Variants in ARID5B observed in about 807,000 individuals in gnomAD.
ARID5B encodes the protein AT-rich interaction domain 5B.
A neutral mutation model predicts 97.2 loss-of-function variants in ARID5B; 13 were observed. The observed-to-expected ratio is 0.13, with a 90% confidence interval of 0.09 to 0.21. The LOEUF is 0.21. Among genes scored for constraint, ARID5B ranks in the 10% least tolerant of loss-of-function variants. The pLI is 1.00. For missense variants in ARID5B, 1,210 were observed against 1,465.3 expected, an observed-to-expected ratio of 0.83 and a Z score of 2.84; for synonymous variants, 556 against 570.3, an observed-to-expected ratio of 0.97 and a Z score of 0.36.
At chr10:61,990,122 T>A (rs1482553455) in intron 3 of ARID5B, among the ~76,000 whole-genome samples, 2 of 152,208 alleles carry the variant, frequency 1.3e-5, no homozygotes, top group Non-Finnish European at 2.9e-5. Context: ...TGATTTAAGA[T>A]GAGTCACTGA....
intron 8 of ARID5B, among the ~76,000 whole-genome samples, chr10:62,079,317 A>G (rs1022840471): frequency 2.0e-5 from 3 of 152,196 alleles, no homozygotes; most frequent in Non-Finnish European, 4.4e-5. Flanking sequence ...GCCATTGACT[A>G]GTCACTTAAT....
chr10:61,988,128 G>T (rs1164869934), intron 3 of ARID5B, among the ~76,000 whole-genome samples: 1 of 152,208 alleles, frequency 6.6e-6, no homozygotes, highest in Non-Finnish European at 1.5e-5. Context: ...CTTCCATGGT[G>T]CACTGTGACA....
chr10:61,902,090 T>G, intron 1 of ARID5B, 69 bp from the exon 2 acceptor site: 1 of 1,575,736 alleles, frequency 6.3e-7, no homozygotes, highest in Non-Finnish European at 8.7e-7. Flanking sequence ...TGTGTAAATG[T>G]GTCTGGGAAT....
chr10:61,993,228 T>A (rs2132858526), intron 3 of ARID5B, among the ~76,000 whole-genome samples: 1 of 152,210 alleles, frequency 6.6e-6, no homozygotes, highest in South Asian at 2.1e-4. Context: ...CTTTGATGTG[T>A]ACTAACTTTG....
chr10:61,963,544 T>G (rs183989127), intron 3 of ARID5B, among the ~76,000 whole-genome samples: 6 of 152,058 alleles, frequency 3.9e-5, no homozygotes, highest in African/African-American at 7.2e-5. Flanking sequence ...CAATTGAAGA[T>G]CCAGATGGAC....
intron 6 of ARID5B, among the ~76,000 whole-genome samples, chr10:62,057,752 C>T (rs1245188745): frequency 2.6e-5 from 4 of 152,046 alleles, no homozygotes; most frequent in Non-Finnish European, 4.4e-5. Context: ...TTTCCTAAGC[C>T]CCAAATGTGT....
rs370520548 is a variant in ARID5B, at chr10:61,993,753, A to T, written c.503-6338A>T. On this transcript the variant is annotated intron_variant, in intron 3 of 9. Transcript: ENST00000279873. ...AATATAATTGTCAATAGCAGTAAGAATTGGAATAGCGCCAGGTATATAAAG... is the reference window on the plus strand; with the variant it reads ...AATATAATTGTCAATAGCAGTAAGATTTGGAATAGCGCCAGGTATATAAAG... Among the ~76,000 whole-genome samples the T allele has an allele frequency of 2.2e-4, 33 of 152,350 alleles. No individual in the cohort carries two copies. In the South Asian group the frequency reaches 6.6e-3, roughly 31 times the overall value.
chr10:61,976,206 T>C (rs1209926747), intron 3 of ARID5B, among the ~76,000 whole-genome samples: 2 of 152,252 alleles, frequency 1.3e-5, no homozygotes, highest in Admixed American at 1.3e-4. Context: ...TGTTGACCAC[T>C]TGAAATGTGG....
intron 8 of ARID5B, among the ~76,000 whole-genome samples, chr10:62,081,286 C>CA (rs1840210518): frequency 6.6e-6 from 1 of 152,252 alleles, no homozygotes; most frequent in African/African-American, 2.4e-5. Context: ...AAGTTCACCA[C>CA]TTCTTGCCCC....
intron 4 of ARID5B, among the ~76,000 whole-genome samples, chr10:62,037,608 T>C (rs1204806472): frequency 6.6e-6 from 1 of 152,230 alleles, no homozygotes; most frequent in Non-Finnish European, 1.5e-5. Flanking sequence ...GTAAACGCCC[T>C]GTGCTTAAAA....
At chr10:62,054,562 C>T (rs537959764) in intron 5 of ARID5B, among the ~76,000 whole-genome samples, 2 of 152,266 alleles carry the variant, frequency 1.3e-5, no homozygotes, top group East Asian at 3.9e-4. Context: ...TGCTATGTAG[C>T]AGGGAGTCTG....
intron 3 of ARID5B, among the ~76,000 whole-genome samples, chr10:61,955,209 A>C (rs544587169): frequency 1.3e-5 from 2 of 152,296 alleles, no homozygotes; most frequent in South Asian, 4.1e-4. Context: ...GGACTCTAAG[A>C]GCAGTTTTCC....
chr10:62,010,403 G>A (rs772280966), intron 4 of ARID5B, among the ~76,000 whole-genome samples: 20 of 152,098 alleles, frequency 1.3e-4, no homozygotes, highest in African/African-American at 2.7e-4. Flanking sequence ...ATTTCTCTTC[G>A]CTAGACTCTA....
chr10:62,092,677 C>T lies in ARID5B; in HGVS notation c.3214C>T (p.Pro1072Ser). Residue 1072 changes from proline to serine, a missense_variant, in exon 10 of 10, where the codon CCC (proline) becomes TCC (serine). By Grantham distance (74) the Pro-to-Ser change is moderately conservative. Around this residue, in one of 8 missense-constraint regions of ARID5B, gnomAD observed 800 missense variants for 839.1 expected, o/e 0.95. Transcript: ENST00000279873. Reference protein sequence around the residue: ...SGGGSEGHKLPLSSPIFPGLY... With the variant: ...SGGGSEGHKLSLSSPIFPGLY... ...GGGCGGATCAGAAGGCCACAAGCTT[C>T]CCCTCTCCTCCCCTATCTTCCCAGG... 3 of 1,614,026 alleles carry T rather than the reference C, an allele frequency of 1.9e-6. No homozygotes were observed. Among genetic ancestry groups the T allele is most frequent in the Non-Finnish European group, 1.7e-6 (2 of 1,179,956 alleles).
chr10:62,030,791 A>T (rs1392731822), intron 4 of ARID5B, among the ~76,000 whole-genome samples: 1 of 152,250 alleles, frequency 6.6e-6, no homozygotes, highest in Non-Finnish European at 1.5e-5. Context: ...TTGCCTAGCA[A>T]CCACGAAGAA....
At chr10:62,038,692 T>A (rs1243075917) in intron 4 of ARID5B, among the ~76,000 whole-genome samples, 1 of 152,210 alleles carries the variant, frequency 6.6e-6, no homozygotes, top group East Asian at 1.9e-4. Context: ...AAATGTAAAT[T>A]CTAAAACATA....
rs1839065065 is a variant in ARID5B, at chr10:62,000,606, A to G, written c.733+285A>G. Among the ~76,000 whole-genome samples, 1 of 152,164 alleles carries G rather than the reference A, an allele frequency of 6.6e-6. No individual in the cohort carries two copies. Among genetic ancestry groups the G allele is most frequent in the South Asian group, 2.1e-4 (1 of 4,830 alleles). On this transcript the variant is annotated intron_variant, in intron 4 of 9. Coordinates refer to ENST00000279873, the MANE Select transcript of ARID5B (RefSeq NM_032199.3). This position sits in a 1 kb window ranked among gnomAD's most constrained non-coding sequence, Gnocchi z 4.4. ...TTGGACTTTAGGACAGGAAGCTTTC[A>G]TGTTACTTTTCTCTCAAAAGGCTTT...
intron 2 of ARID5B, among the ~76,000 whole-genome samples, chr10:61,936,532 C>T (rs965212324): frequency 6.6e-6 from 1 of 152,176 alleles, no homozygotes; most frequent in Non-Finnish European, 1.5e-5. Flanking sequence ...GCAGGAGAAT[C>T]GCTTGAACCT....
intron 4 of ARID5B, among the ~76,000 whole-genome samples, chr10:62,013,263 G>A (rs1199665051): frequency 4.0e-5 from 6 of 151,846 alleles, no homozygotes; most frequent in Admixed American, 3.9e-4. Context: ...TGATTCTTGG[G>A]GTCTGCCTCA....
Sources: allele counts gnomAD v4.1 joint callset (sites outside exome capture counted in the v4.1 genomes callset), GRCh38; gene constraint gnomAD v4.1.1; regional missense constraint gnomAD v4.1.1; non-coding constraint Gnocchi (gnomAD v3.1); transcripts MANE v1.5; gene names NCBI Gene and HGNC (gene_info 2026-07-23, HGNC 2026-07-21).